CD99L2: variants seen among roughly 807,000 people sequenced by gnomAD.
CD99L2 encodes CD99 molecule like 2.
In CD99L2, 24 loss-of-function variants were observed where a neutral mutation model predicts 27.3. The ratio of observed to expected loss-of-function variants is 0.88; its 90% CI spans 0.64 to 1.24. CD99L2 has a LOEUF of 1.24. CD99L2 is among the 50% of genes most tolerant of loss of function. CD99L2 has a pLI of 0.00. For synonymous variants in CD99L2, 97 were observed against 87.9 expected (o/e 1.10, Z -0.58); for missense variants, 255 against 221.6 (o/e 1.15, Z -0.96).
At chrX:150,818,051 C>CATAATAATTTTAAATAAAAAAAAA (rs1557420581) in intron 2 of CD99L2, among the ~76,000 whole-genome samples, 2 of 93,315 alleles carry the variant, frequency 2.1e-5, no homozygotes, top group African/African-American at 9.8e-5. Flanking sequence ...AAGAGGAAGA[C>CATAATAATTTTAAATAAAAAAAAA]ATAATAATTT....
intron 2 of CD99L2, among the ~76,000 whole-genome samples, chrX:150,824,647 A>AGAAGAAGAAGAAGAAGAG (rs2046337966): frequency 1.1e-5 from 1 of 87,139 alleles, no homozygotes; most frequent in African/African-American, 4.7e-5. Flanking sequence ...GAGGAGAAGA[A>AGAAGAAGAAGAAGAAGAG]GAAGAAGAAG....
chrX:150,814,014 A>AT (rs1219053696), intron 4 of CD99L2, among the ~76,000 whole-genome samples: 1 of 111,733 alleles, frequency 8.9e-6, no homozygotes, highest in Non-Finnish European at 1.9e-5. Context: ...CCCAATGCAT[A>AT]TTTTTTTCAA....
At chrX:150,858,908 T>C (rs2046932385) in intron 1 of CD99L2, among the ~76,000 whole-genome samples, 1 of 111,321 alleles carries the variant, frequency 9.0e-6, no homozygotes, top group South Asian at 3.7e-4. Flanking sequence ...AGTTGGTTCC[T>C]TAAAAAGAAA....
chrX:150,802,588 T>C (rs1746006824), intron 4 of CD99L2, among the ~76,000 whole-genome samples: 1 of 100,470 alleles, frequency 1.0e-5, no homozygotes, highest in Non-Finnish European at 2.0e-5. Flanking sequence ...AGACAATTTT[T>C]TTTTTTTTTT....
At chrX:150,844,988 G>T (rs577356680) in intron 1 of CD99L2, among the ~76,000 whole-genome samples, 1 of 112,369 alleles carries the variant, frequency 8.9e-6, no homozygotes, top group Non-Finnish European at 1.9e-5. Context: ...GTATCTAAGC[G>T]TCCGTATGTA....
At chrX:150,793,593 C>G (rs2045732577) in intron 7 of CD99L2, 98 bp downstream of exon 7, 4 of 711,197 alleles carry the variant, frequency 5.6e-6, no homozygotes, top group Non-Finnish European at 8.2e-6. Flanking sequence ...TGTCTGGGAA[C>G]TACCACTCAT....
Position 150,769,088 on chromosome X carries a change from C to G in CD99L2, c.735G>C (p.Thr245=). The G allele has an allele frequency of 1.7e-6, 2 of 1,163,070 alleles. No individual in the cohort carries two copies. Among genetic ancestry groups the G allele is most frequent in the Non-Finnish European group, 2.3e-6 (2 of 877,532 alleles). The change falls in exon 11 of 11, where the codon ACG becomes ACC. Residue 245 remains threonine, a synonymous_variant. Transcript: ENST00000370377. ...GCGGCTCTGCAGACTGCGTGTGCAACGTGGAGTATTTCACTAGGGGAAAAA... is the reference window on the plus strand; with the variant it reads ...GCGGCTCTGCAGACTGCGTGTGCAAGGTGGAGTATTTCACTAGGGGAAAAA... ...VCEEPQVKYS[T]LHTQSAEPPP...
At chrX:150,797,766 C>T (rs1391675338) in intron 4 of CD99L2, among the ~76,000 whole-genome samples, 2 of 111,031 alleles carry the variant, frequency 1.8e-5, no homozygotes, top group Non-Finnish European at 3.8e-5. Context: ...AGAAATAGGC[C>T]GGGTGCAGTG....
intron 1 of CD99L2, among the ~76,000 whole-genome samples, chrX:150,865,349 T>G (rs1038013559): frequency 6.4e-5 from 7 of 109,700 alleles, no homozygotes; most frequent in African/African-American, 2.0e-4. Context: ...ATTTAAAAAT[T>G]AGCCAGGCAT....
chrX:150,843,155 T>C (rs782374207), intron 1 of CD99L2, among the ~76,000 whole-genome samples: 7 of 111,727 alleles, frequency 6.3e-5, no homozygotes, highest in Admixed American at 1.9e-4. Flanking sequence ...AGACGCAAAG[T>C]AGGGATTCTA....
intron 2 of CD99L2, among the ~76,000 whole-genome samples, chrX:150,824,707 G>GGAAGAGGAAGAAGAAGAAGAAGAAGAA (rs782774913): frequency 4.3e-4 from 40 of 93,659 alleles, no homozygotes; most frequent in Non-Finnish European, 7.6e-4. Flanking sequence ...AAGAGGAAGA[G>GGAAGAGGAAGAAGAAGAAGAAGAAGAA]GAAGAAGAAG....
At chrX:150,885,542 A>C (rs1557422606) in intron 1 of CD99L2, among the ~76,000 whole-genome samples, 1 of 112,379 alleles carries the variant, frequency 8.9e-6, no homozygotes. Flanking sequence ...CTGTATTCTA[A>C]CATGCTAACA....
At chrX:150,837,659 AG>A (rs1202237844) in intron 1 of CD99L2, among the ~76,000 whole-genome samples, 27 of 112,494 alleles carry the variant, frequency 2.4e-4, no homozygotes, top group African/African-American at 8.4e-4. Flanking sequence ...GACTTTTTTC[AG>A]GACGGATATT....
chrX:150,825,500 G>C (rs1030884284), intron 2 of CD99L2, among the ~76,000 whole-genome samples: 3 of 112,095 alleles, frequency 2.7e-5, no homozygotes, highest in Non-Finnish European at 5.6e-5. Flanking sequence ...AGATCTGCAG[G>C]TGCCATTCAA....
intron 2 of CD99L2, among the ~76,000 whole-genome samples, chrX:150,830,214 A>G (rs1186901261): frequency 1.8e-5 from 2 of 111,057 alleles, no homozygotes; most frequent in African/African-American, 6.5e-5. Flanking sequence ...AGGAAAATTG[A>G]TAACAAAGCT....
At chrX:150,824,878 T>C (rs887296978) in intron 2 of CD99L2, among the ~76,000 whole-genome samples, 3 of 111,901 alleles carry the variant, frequency 2.7e-5, no homozygotes, top group Non-Finnish European at 5.7e-5. Flanking sequence ...TGGGAAGTCT[T>C]TCCCTTAAAA....
intron 2 of CD99L2, 88 bp downstream of exon 2, chrX:150,831,143 T>G (rs2046438561): frequency 2.7e-6 from 2 of 750,920 alleles, no homozygotes; most frequent in African/African-American, 2.1e-5. Flanking sequence ...GTAAAATATA[T>G]CATTTTTCTT....
At chrX:150,771,059 G>A (rs73624508) in intron 9 of CD99L2, among the ~76,000 whole-genome samples, 5,470 of 112,225 alleles carry the variant, frequency 0.049, 351 homozygotes, top group African/African-American at 0.17. Flanking sequence ...CAAGTTCTTA[G>A]AGTGGACCCC....
Position 150,831,267 on chromosome X carries a change from G to A in CD99L2, c.94C>T (p.Leu32=), listed in dbSNP as rs1557421055. ...GAAGTTTCTTTCACTGCATCCTCCA[G>A]GTTAAAATCATCAAAGTCCCCAGAT... The part of the protein sequence containing the change: ...RGSGDFDDFN[L]EDAVKETSSV... The change falls in exon 2 of 11, where the codon CTG becomes TTG. Residue 32 remains leucine (L), a synonymous_variant. Transcript: ENST00000370377. The A allele has an allele frequency of 2.5e-6, 3 of 1,199,719 alleles. No individual in the cohort carries two copies. Among genetic ancestry groups the A allele is most frequent in the East Asian group, 3.0e-5 (1 of 33,607 alleles).
Sources: gnomAD v4.1 joint callset for allele counts (sites outside exome capture counted in the v4.1 genomes callset) on GRCh38, gnomAD v4.1.1 for gene constraint, MANE v1.5 for transcripts, NCBI Gene and HGNC (gene_info 2026-07-23, HGNC 2026-07-21) for gene names.